Variants in ANKFN1 observed in about 807,000 individuals in gnomAD.
ANKFN1 encodes the protein ankyrin repeat and fibronectin type III domain containing 1.
A neutral mutation model predicts 108.7 loss-of-function variants in ANKFN1; 74 were observed. The ratio of observed to expected loss-of-function variants is 0.68; its 90% CI spans 0.56 to 0.83. ANKFN1 has a LOEUF of 0.83. Among genes scored for constraint, ANKFN1 ranks in the 40% least tolerant of loss-of-function variants. The probability of loss-of-function intolerance (pLI) is 0.00; values close to 1 mark genes in which losing one functional copy is unlikely to be tolerated. For missense variants in ANKFN1, 1,505 were observed against 1,382.3 expected, an observed-to-expected ratio of 1.09 and a Z score of -1.41; for synonymous variants, 547 against 516.2, an observed-to-expected ratio of 1.06 and a Z score of -0.81.
At chr17:56,152,262 A>ATATG (rs1491285234), upstream of ANKFN1, among the ~76,000 whole-genome samples, 6 of 77,834 alleles carry the variant, frequency 7.7e-5, no homozygotes, top group African/African-American at 1.8e-4. Context: ...ATATATATAT[A>ATATG]TGTGTGTGTG....
intron 8 of ANKFN1, among the ~76,000 whole-genome samples, chr17:56,377,146 G>C (rs1013714857): frequency 2.0e-5 from 3 of 152,124 alleles, no homozygotes; most frequent in African/African-American, 7.2e-5. Flanking sequence ...AGAATTTCTG[G>C]GTTCAGCAAA....
intron 8 of ANKFN1, among the ~76,000 whole-genome samples, chr17:56,400,029 T>G (rs565033079): frequency 6.6e-6 from 1 of 151,730 alleles, no homozygotes; most frequent in African/African-American, 2.4e-5. Flanking sequence ...AATTGTGAAT[T>G]GTACTACTAT....
At chr17:56,197,459 G>A (rs916122070) in intron 1 of ANKFN1, among the ~76,000 whole-genome samples, 2 of 152,168 alleles carry the variant, frequency 1.3e-5, no homozygotes, top group African/African-American at 2.4e-5. Flanking sequence ...ACAAACCATC[G>A]GATGGAGGTG....
intron 8 of ANKFN1, among the ~76,000 whole-genome samples, chr17:56,374,987 G>GCATA (rs776714817): frequency 6.6e-6 from 1 of 152,174 alleles, no homozygotes; most frequent in Admixed American, 6.5e-5. Flanking sequence ...CTTGCTCTAT[G>GCATA]CATAGCACAG....
chr17:56,350,938 G>T lies in ANKFN1; in HGVS notation c.361G>T (p.Asp121Tyr), dbSNP rs1253340445. The T allele has an allele frequency of 1.5e-5, 24 of 1,613,504 alleles. No homozygotes were observed. The highest frequency in any genetic ancestry group is 8.3e-5 in the Admixed American group (5 of 59,904). ...TGAGGCCTATTTTAGGACAAGAACT[G>T]ATCGGCTGAGTCTCAGGAAGACCTC... The part of the protein sequence containing the change: ...FDEAYFRTRT[D>Y]RLSLRKTSVN... Residue 121 changes from aspartate to tyrosine, a missense_variant, in exon 5 of 21, where the codon GAT (aspartate) becomes TAT (tyrosine). Transcript: ENST00000682825.
At chr17:56,496,082 A>G in intron 19 of ANKFN1, among the ~76,000 whole-genome samples, 1 of 152,258 alleles carries the variant, frequency 6.6e-6, no homozygotes, top group Admixed American at 6.5e-5. Flanking sequence ...TTAGATCAGC[A>G]GTATAAGGTA....
chr17:56,240,828 G>T (rs1917528180), intron 3 of ANKFN1, among the ~76,000 whole-genome samples: 1 of 151,772 alleles, frequency 6.6e-6, no homozygotes, highest in Non-Finnish European at 1.5e-5. Context: ...TTTGTGAATT[G>T]CTTATTCACA....
intron 4 of ANKFN1, among the ~76,000 whole-genome samples, chr17:56,071,344 A>G (rs6505028): frequency 0.69 from 104,693 of 152,006 alleles, 36,533 homozygotes; most frequent in Middle Eastern, 0.76. Context: ...GTTCTCTTTC[A>G]TCCTTGTGAT....
At chr17:56,325,412 A>G (rs955750873) in intron 3 of ANKFN1, among the ~76,000 whole-genome samples, 13 of 152,268 alleles carry the variant, frequency 8.5e-5, no homozygotes, top group Non-Finnish European at 1.5e-4. Context: ...ATGCCTACAT[A>G]TGCAGCTTTC....
upstream of ANKFN1, among the ~76,000 whole-genome samples, chr17:56,149,523 C>T (rs1164870806): frequency 6.6e-6 from 1 of 152,184 alleles, no homozygotes; most frequent in Non-Finnish European, 1.5e-5. Flanking sequence ...ATTGTTTCCT[C>T]CTCAGGCTTA....
At chr17:56,087,810 G>A (rs1197678570) in intron 4 of ANKFN1, among the ~76,000 whole-genome samples, 3 of 151,292 alleles carry the variant, frequency 2.0e-5, no homozygotes, top group African/African-American at 2.4e-5. Flanking sequence ...AATCCATGGC[G>A]GCTTTGGCAC....
chr17:56,385,161 T>C (rs2047224048), intron 8 of ANKFN1, among the ~76,000 whole-genome samples: 1 of 151,616 alleles, frequency 6.6e-6, no homozygotes, highest in Non-Finnish European at 1.5e-5. Context: ...TCAGAAATAA[T>C]GCCACATATC....
chr17:56,237,748 A>G (rs1411788170), intron 3 of ANKFN1, among the ~76,000 whole-genome samples: 1 of 151,570 alleles, frequency 6.6e-6, no homozygotes, highest in Non-Finnish European at 1.5e-5. Flanking sequence ...ATCTTTTGGA[A>G]TGGTTTTTTT....
At chr17:56,358,426 G>T (rs1437842959) in intron 6 of ANKFN1, among the ~76,000 whole-genome samples, 1 of 152,144 alleles carries the variant, frequency 6.6e-6, no homozygotes, top group Non-Finnish European at 1.5e-5. Context: ...GGCATAGCTT[G>T]AAACTCAACC....
chr17:56,129,504 A>G (rs1455891831), intron 4 of ANKFN1, among the ~76,000 whole-genome samples: 1 of 152,134 alleles, frequency 6.6e-6, no homozygotes, highest in East Asian at 1.9e-4. Context: ...AAAAAAGTAC[A>G]ATGATATATA....
chr17:56,476,221 G>T (rs1273058069), intron 15 of ANKFN1, among the ~76,000 whole-genome samples: 1 of 152,134 alleles, frequency 6.6e-6, no homozygotes, highest in African/African-American at 2.4e-5. Context: ...TAAGTTACCT[G>T]ACTCGTCACT....
At chr17:56,448,117 T>A (rs1056377410) in intron 10 of ANKFN1, among the ~76,000 whole-genome samples, 1 of 152,212 alleles carries the variant, frequency 6.6e-6, no homozygotes, top group Non-Finnish European at 1.5e-5. Context: ...ACTCATGAAC[T>A]AACTGGCTTT....
chr17:56,442,822 C>T lies in ANKFN1; in HGVS notation c.1009-21C>T, dbSNP rs780110827. ...AAATGATTAAATAAAATGCCTGATG[C>T]ATCATTTCAATACTTTGCAGGGCCA... On this transcript the variant is annotated intron_variant, in intron 9 of 20. Coordinates refer to ENST00000682825, the MANE Select transcript of ANKFN1 (RefSeq NM_001370326.1). 5.0e-6 allele frequency: 8 copies of T among 1,605,800 alleles called. No individual in the cohort carries two copies. The South Asian group carries it at 5.5e-5, about 11-fold the overall frequency.
intron 3 of ANKFN1, among the ~76,000 whole-genome samples, chr17:56,286,886 G>A (rs1191157598): frequency 6.6e-6 from 1 of 151,912 alleles, no homozygotes; most frequent in Non-Finnish European, 1.5e-5. Context: ...TATATATTTG[G>A]GAAATATAAT....
Sources: gnomAD v4.1 joint callset for allele counts (sites outside exome capture counted in the v4.1 genomes callset) on GRCh38, gnomAD v4.1.1 for gene constraint, MANE v1.5 for transcripts, NCBI Gene and HGNC (gene_info 2026-07-23, HGNC 2026-07-21) for gene names.